The following FEZ1 variants were observed in gnomAD, a reference collection of about 807,000 sequenced individuals.
FEZ1 encodes fasciculation and elongation protein zeta 1, also known as fasciculation and elongation protein zeta-1.
Under a neutral mutation model 49.3 loss-of-function variants are expected in FEZ1, and 20 were observed. The observed-to-expected ratio is 0.41, with a 90% CI of 0.29 to 0.59. The LOEUF (loss-of-function observed/expected upper bound fraction) is 0.59, where lower values mean the gene tolerates loss of function less well. FEZ1 is among the 20% of genes least tolerant of loss of function. The probability of loss-of-function intolerance (pLI) is 0.36; values close to 1 mark genes in which losing one functional copy is unlikely to be tolerated. For synonymous variants in FEZ1, 170 were observed against 180.9 expected (o/e 0.94, Z 0.48); for missense variants, 413 against 476.0 (o/e 0.87, Z 1.23).
Position 125,496,166 on chromosome 11 carries a change from G to C in FEZ1, c.-91C>G, listed in dbSNP as rs1957468860. The C allele has an allele frequency of 1.3e-5, 2 of 152,720 alleles. No individual in the cohort carries two copies. The highest frequency in any genetic ancestry group is 4.8e-5 in the African/African-American group (2 of 41,578). The allele number at this position is 152,720 out of a possible 1,614,324, so 9.5% of individuals were successfully genotyped here. ...GGAGGCGGATCCCGGGGCTCAGCCG[G>C]ACACCCCCATCCACGGGCCGCGGGA... is the stretch of plus-strand genomic sequence containing the variant. On this transcript the variant is annotated 5_prime_UTR_variant, in exon 1 of 10. Transcript: ENST00000278919.
intron 6 of FEZ1, among the ~76,000 whole-genome samples, chr11:125,454,827 A>G (rs962255107): frequency 6.6e-6 from 1 of 151,958 alleles, no homozygotes; most frequent in Non-Finnish European, 1.5e-5. Context: ...CAGCCTGACC[A>G]ACATGGTGAA....
At chr11:125,454,494 AAAAT>A (rs2135741642) in intron 6 of FEZ1, 1 of 300,214 alleles carries the variant, frequency 3.3e-6, no homozygotes, top group African/African-American at 2.2e-5. Flanking sequence ...TGCAAATAGA[AAAAT>A]AAAGCAGTTC....
chr11:125,454,679 T>C (rs1956990767), intron 6 of FEZ1, among the ~76,000 whole-genome samples: 1 of 151,810 alleles, frequency 6.6e-6, no homozygotes, highest in Non-Finnish European at 1.5e-5. Flanking sequence ...AAAGGCATTT[T>C]GAAAAAAACT....
At chr11:125,446,864 G>A (rs1003814186) in intron 9 of FEZ1, among the ~76,000 whole-genome samples, 2 of 151,538 alleles carry the variant, frequency 1.3e-5, no homozygotes, top group African/African-American at 4.9e-5. Context: ...TAATTGAGAC[G>A]CGGTCTCACC....
chr11:125,448,899 G>A (rs564828840), intron 8 of FEZ1, among the ~76,000 whole-genome samples: 3 of 152,108 alleles, frequency 2.0e-5, no homozygotes, highest in Admixed American at 2.0e-4. Flanking sequence ...ATAGCTGGGT[G>A]TGGTGGCACA....
At chr11:125,491,440 C>T (rs1565305991) in intron 1 of FEZ1, among the ~76,000 whole-genome samples, 2 of 152,086 alleles carry the variant, frequency 1.3e-5, no homozygotes, top group Admixed American at 1.3e-4. Flanking sequence ...AATATGTGCT[C>T]GTTGAAAAAA....
At chr11:125,469,941 C>T (rs1957169217) in intron 3 of FEZ1, among the ~76,000 whole-genome samples, 1 of 151,904 alleles carries the variant, frequency 6.6e-6, no homozygotes, top group African/African-American at 2.4e-5. Flanking sequence ...TCACAAACTC[C>T]TAGGATCAAG....
At chr11:125,473,835 A>C (rs1449483828) in intron 3 of FEZ1, among the ~76,000 whole-genome samples, 3 of 149,646 alleles carry the variant, frequency 2.0e-5, no homozygotes, top group African/African-American at 7.4e-5. Context: ...AAAAAAAAAA[A>C]CAGAAAGAAA....
chr11:125,460,346 C>T (rs192125986), intron 5 of FEZ1, 152 bp downstream of exon 5: 19 of 565,508 alleles, frequency 3.4e-5, no homozygotes, highest in Admixed American at 1.7e-4. Flanking sequence ...CTCCTGATGC[C>T]GAGTAAGAAA....
At chr11:125,466,956 AAATT>A (rs1957136348) in intron 3 of FEZ1, among the ~76,000 whole-genome samples, 1 of 152,014 alleles carries the variant, frequency 6.6e-6, no homozygotes, top group South Asian at 2.1e-4. Context: ...CCCCTGACAA[AAATT>A]AAGAGAACAA....
Position 125,455,616 on chromosome 11 carries a change from T to C in FEZ1, c.939+219A>G, listed in dbSNP as rs966133198. ...CAAGCCAAATTCAATTATTTCCTAA[T>C]GTACACACTGTCTTCCTGGGTTAGA... On this transcript the variant is annotated intron_variant, in intron 6 of 9. Transcript: ENST00000278919. 6.4e-6 allele frequency: 4 copies of C among 623,784 alleles called. No homozygotes were observed. In the East Asian group the frequency reaches 1.1e-4, roughly 17 times the overall value. The allele number at this position is 623,784 out of a possible 1,614,324, so 38.6% of individuals were successfully genotyped here.
At chr11:125,474,083 G>T (rs1375476430) in intron 3 of FEZ1, among the ~76,000 whole-genome samples, 5 of 150,202 alleles carry the variant, frequency 3.3e-5, no homozygotes, top group Non-Finnish European at 7.4e-5. Flanking sequence ...GGAGTGCAAT[G>T]GTGCAATCTC....
At chr11:125,493,492 A>AAGAAAGAGAGAAAGAG (rs1957420494) in intron 1 of FEZ1, among the ~76,000 whole-genome samples, 1 of 99,858 alleles carries the variant, frequency 1.0e-5, no homozygotes, top group Non-Finnish European at 2.0e-5. Context: ...GAAAGAAGGA[A>AAGAAAGAGAGAAAGAG]AGAAAGAAAG....
intron 3 of FEZ1, among the ~76,000 whole-genome samples, chr11:125,473,039 A>C (rs1957196650): frequency 6.6e-6 from 1 of 152,142 alleles, no homozygotes; most frequent in Non-Finnish European, 1.5e-5. Context: ...AATAACTAAA[A>C]CAAATTTGGA....
intron 5 of FEZ1, among the ~76,000 whole-genome samples, chr11:125,457,040 A>G (rs944194195): frequency 6.6e-6 from 1 of 151,698 alleles, no homozygotes; most frequent in Non-Finnish European, 1.5e-5. Flanking sequence ...AAAATTAGCC[A>G]GGCATGGTGG....
intron 3 of FEZ1, among the ~76,000 whole-genome samples, chr11:125,470,726 A>G (rs553596170): frequency 2.4e-4 from 37 of 152,362 alleles, no homozygotes; most frequent in African/African-American, 8.4e-4. Context: ...AATGCTATAA[A>G]AAGCATTTTG....
intron 5 of FEZ1, among the ~76,000 whole-genome samples, chr11:125,459,641 C>T (rs983258681): frequency 1.3e-5 from 2 of 152,152 alleles, no homozygotes; most frequent in Non-Finnish European, 2.9e-5. Context: ...TTTTCTTTCT[C>T]ACCTGTCTTT....
At chr11:125,465,641 A>G (rs528700887) in intron 3 of FEZ1, among the ~76,000 whole-genome samples, 1 of 152,326 alleles carries the variant, frequency 6.6e-6, no homozygotes, top group African/African-American at 2.4e-5. Flanking sequence ...TCTGCCACTA[A>G]AAAATAAAAT....
chr11:125,484,913 G>A (rs568031511), intron 2 of FEZ1, among the ~76,000 whole-genome samples: 3 of 152,212 alleles, frequency 2.0e-5, no homozygotes, highest in Admixed American at 1.3e-4. Context: ...CAGGGCAGGG[G>A]GAAACAGCTT....
Sources: gnomAD v4.1 joint callset for allele counts (sites outside exome capture counted in the v4.1 genomes callset) on GRCh38, gnomAD v4.1.1 for gene constraint, MANE v1.5 for transcripts, NCBI Gene and HGNC (gene_info 2026-07-23, HGNC 2026-07-21) for gene names.